Variants in SOD2 observed in about 807,000 individuals in gnomAD.
SOD2 encodes the protein superoxide dismutase 2.
A neutral mutation model predicts 27.0 loss-of-function variants in SOD2; 11 were observed. That is an observed-to-expected ratio of 0.41 (90% CI 0.26 to 0.67). SOD2 has a LOEUF of 0.67. Among genes scored for constraint, SOD2 ranks in the 30% least tolerant of loss-of-function variants. The pLI, the probability that SOD2 is intolerant of heterozygous loss-of-function variation, is 0.34. For synonymous variants in SOD2, 105 were observed against 103.0 expected (o/e 1.02, Z -0.12); for missense variants, 250 against 274.5 (o/e 0.91, Z 0.63).
upstream of SOD2, chr6:159,727,607 C>T (rs1474439749): frequency 4.1e-6 from 4 of 986,306 alleles, no homozygotes; most frequent in Non-Finnish European, 4.8e-6. Context: ...CAGAGCTGTC[C>T]GGCTGCGCGG....
At chr6:159,748,886 T>C (rs573024719), upstream of SOD2, 6 of 1,194,140 alleles carry the variant, frequency 5.0e-6, no homozygotes, top group South Asian at 2.6e-4. The surrounding 1 kb of genome is among the most constrained non-coding windows in gnomAD (Gnocchi z 5.6). Context: ...CCAATAAGAC[T>C]GTGGACTTCA....
chr6:159,688,907 A>G (rs1237416758), intron 2 of SOD2, among the ~76,000 whole-genome samples: 2 of 152,180 alleles, frequency 1.3e-5, no homozygotes, highest in Non-Finnish European at 2.9e-5. Flanking sequence ...GAAAAAAATA[A>G]AACACAAGCA....
intron 1 of SOD2, among the ~76,000 whole-genome samples, chr6:159,734,068 G>C (rs943040340): frequency 6.6e-6 from 1 of 152,184 alleles, no homozygotes; most frequent in African/African-American, 2.4e-5. Flanking sequence ...CATTTATAAA[G>C]TGGAGTTGAG....
chr6:159,756,664 C>T (rs1216438505), intron 1 of SOD2, among the ~76,000 whole-genome samples: 1 of 135,200 alleles, frequency 7.4e-6, no homozygotes, highest in Admixed American at 8.8e-5. Flanking sequence ...TGCAGTGGTG[C>T]AGTCATGGCT....
At chr6:159,725,897 A>C (rs1187090852) in intron 1 of SOD2, 1 of 152,216 alleles carries the variant, frequency 6.6e-6, no homozygotes, top group East Asian at 1.9e-4. Flanking sequence ...CTCATTCCAA[A>C]GCAACACACG....
At chr6:159,693,245 G>A (rs930693504), upstream of SOD2, 29 of 1,366,024 alleles carry the variant, frequency 2.1e-5, no homozygotes, top group Middle Eastern at 2.2e-4. Flanking sequence ...CACGAGTGCC[G>A]CTCCTGCGCC....
chr6:159,715,841 A>G (rs1777913584), intron 1 of SOD2, among the ~76,000 whole-genome samples: 1 of 152,016 alleles, frequency 6.6e-6, no homozygotes, highest in South Asian at 2.1e-4. Flanking sequence ...TGCAGGCTGC[A>G]GTGAACTGAG....
chr6:159,685,219 C>CTTTTTTTTTTTTTTTTTTTTTTTTTTT (rs750824041), intron 3 of SOD2, among the ~76,000 whole-genome samples, 186 bp from the exon 4 acceptor site: 2 of 73,912 alleles, frequency 2.7e-5, no homozygotes, highest in Non-Finnish European at 2.4e-5. Context: ...ATAACTTCAA[C>CTTTTTTTTTTTTTTTTTTTTTTTTTTT]TTTTTTTTTT....
intron 1 of SOD2, chr6:159,755,593 A>G (rs371082998): frequency 3.3e-5 from 53 of 1,610,466 alleles, no homozygotes; most frequent in East Asian, 2.0e-4. Context: ...GTGTAAATGT[A>G]CAGGGTTCAG....
At chr6:159,740,712 T>C (rs1316433358) in intron 1 of SOD2, among the ~76,000 whole-genome samples, 6 of 151,210 alleles carry the variant, frequency 4.0e-5, no homozygotes, top group Non-Finnish European at 8.9e-5. Flanking sequence ...TTCTTTCTTT[T>C]TTTTTTTTTT....
At chr6:159,703,042 T>C (rs892749742) in intron 1 of SOD2, among the ~76,000 whole-genome samples, 12 of 151,896 alleles carry the variant, frequency 7.9e-5, no homozygotes, top group African/African-American at 2.4e-4. Context: ...CGGCCAGGCA[T>C]GGTGGCTCAC....
At chr6:159,719,283 G>A (rs533162990) in intron 1 of SOD2, among the ~76,000 whole-genome samples, 1 of 152,196 alleles carries the variant, frequency 6.6e-6, no homozygotes, top group South Asian at 2.1e-4. Context: ...CCAGCACTTT[G>A]GGAGGCAGAG....
chr6:159,734,375 CA>C (rs67668924), intron 1 of SOD2, among the ~76,000 whole-genome samples: 65,783 of 130,578 alleles, frequency 0.5, 16,370 homozygotes, highest in Middle Eastern at 0.61. Context: ...GACTCCATCT[CA>C]AAAAAAAAAA....
chr6:159,742,265 TG>T (rs1779303808), intron 1 of SOD2: 1 of 786,496 alleles, frequency 1.3e-6, no homozygotes, highest in Non-Finnish European at 2.0e-6. Context: ...TTATAAGAAC[TG>T]TACATAGGCA....
chr6:159,727,376 G>GCAGGAGGCGGGAGGCGGGAGA (rs749863358), upstream of SOD2: 1 of 1,105,694 alleles, frequency 9.0e-7, no homozygotes, highest in Non-Finnish European at 1.2e-6. Context: ...GGGGAGGCTG[G>GCAGGAGGCGGGAGGCGGGAGA]CGGGAGGCGG....
chr6:159,692,735 T>C lies in SOD2; in HGVS notation c.152A>G (p.His51Arg). ...CACGTAGGCCGCGTGGTGCTTGCTG[T>C]GGTGCAGCTGCATGATCTGCGCGTT... ...HINAQIMQLH[H>R]SKHHAAYVNN... is the part of the protein sequence containing the mutation. Residue 51 changes from histidine (H) to arginine (R), a missense_variant, in exon 2 of 5, where the codon CAC becomes CGC. Coordinates refer to ENST00000538183, the MANE Select transcript of SOD2 (RefSeq NM_000636.4). 1.2e-6 allele frequency: 2 copies of C among 1,614,120 alleles called. No homozygotes were observed. The highest frequency in any genetic ancestry group is 1.7e-6 in the Non-Finnish European group (2 of 1,180,012).
chr6:159,683,352 G>A (rs545324986), intron 4 of SOD2, among the ~76,000 whole-genome samples: 48 of 152,238 alleles, frequency 3.2e-4, no homozygotes, highest in Non-Finnish European at 5.3e-4. Flanking sequence ...TGGCGAGGTG[G>A]CAGGCGCCTG....
At chr6:159,732,268 T>A (rs748358712), upstream of SOD2, among the ~76,000 whole-genome samples, 1 of 152,144 alleles carries the variant, frequency 6.6e-6, no homozygotes, top group Non-Finnish European at 1.5e-5. Context: ...TTGAACAGCA[T>A]CCATGATACT....
chr6:159,718,815 T>C (rs112822984), intron 1 of SOD2, among the ~76,000 whole-genome samples: 2,330 of 152,238 alleles, frequency 0.015, 73 homozygotes, highest in African/African-American at 0.053. Context: ...TAACCTGGCA[T>C]AGAAGAGTAG....
Sources: gnomAD v4.1 joint callset for allele counts (sites outside exome capture counted in the v4.1 genomes callset) on GRCh38, gnomAD v4.1.1 for gene constraint, Gnocchi (gnomAD v3.1) non-coding constraint, MANE v1.5 for transcripts, NCBI Gene and HGNC (gene_info 2026-07-23, HGNC 2026-07-21) for gene names.